TMEM123: variants seen among roughly 807,000 people sequenced by gnomAD.
TMEM123 encodes porimin.
A neutral mutation model predicts 19.7 loss-of-function variants in TMEM123; 16 were observed. The ratio of observed to expected loss-of-function variants is 0.81; its 90% CI spans 0.55 to 1.23. The LOEUF is 1.23. Among genes scored for constraint, TMEM123 ranks in the 50% most tolerant of loss-of-function variants. TMEM123 has a pLI of 0.00. For synonymous variants in TMEM123, 118 were observed against 99.4 expected (o/e 1.19, Z -1.12); for missense variants, 313 against 257.8 (o/e 1.21, Z -1.47).
intron 2 of TMEM123, 94 bp from the exon 3 acceptor site, chr11:102,402,300 G>C (rs2135841989): frequency 7.6e-7 from 1 of 1,313,190 alleles, no homozygotes; most frequent in South Asian, 1.4e-5. Context: ...GACAAAGCAA[G>C]AGATCTTACA....
chr11:102,411,910 A>G (rs1275834827), intron 2 of TMEM123, among the ~76,000 whole-genome samples: 1 of 151,854 alleles, frequency 6.6e-6, no homozygotes, highest in African/African-American at 2.4e-5. Context: ...GTATGTCTGA[A>G]CTCTTCACCA....
At chr11:102,432,137 C>T (rs1033627826) in intron 2 of TMEM123, among the ~76,000 whole-genome samples, 5 of 152,214 alleles carry the variant, frequency 3.3e-5, no homozygotes, top group East Asian at 3.9e-4. Context: ...AATGTGGAAG[C>T]GACTTTGGCA....
At chr11:102,427,698 C>CGTGGTGGT (rs1239482761) in intron 2 of TMEM123, among the ~76,000 whole-genome samples, 3 of 150,854 alleles carry the variant, frequency 2.0e-5, no homozygotes, top group Non-Finnish European at 3.0e-5. Flanking sequence ...ATTAGCCAGG[C>CGTGGTGGT]GTGGTGGTAC....
intron 2 of TMEM123, among the ~76,000 whole-genome samples, chr11:102,446,815 C>A (rs1002621451): frequency 6.6e-6 from 1 of 152,212 alleles, no homozygotes; most frequent in Non-Finnish European, 1.5e-5. Flanking sequence ...CTTTTTCCAA[C>A]AGTACATTCC....
intron 4 of TMEM123, among the ~76,000 whole-genome samples, chr11:102,401,024 C>A (rs1002338993): frequency 2.7e-4 from 41 of 152,162 alleles, no homozygotes; most frequent in Admixed American, 2.7e-3. Flanking sequence ...TAATGCACAT[C>A]TAAAAAGAGA....
chr11:102,405,536 C>T lies in TMEM123; in HGVS notation c.158-3330G>A, dbSNP rs181649465. On this transcript the variant is annotated intron_variant, in intron 2 of 4. Transcript: ENST00000398136. ...TAATAGAATTTAACATTAAAATAATCACCTTTTATTTAAAAATGCTGAATG... is the reference window on the plus strand; with the variant it reads ...TAATAGAATTTAACATTAAAATAATTACCTTTTATTTAAAAATGCTGAATG... Among the ~76,000 whole-genome samples the T allele has an allele frequency of 1.2e-4, 19 of 152,220 alleles. No homozygotes were observed. The East Asian group carries it at 2.9e-3, about 23-fold the overall frequency.
chr11:102,425,583 C>CTTTTTTTTTTTTTTTTT (rs1167174586), intron 2 of TMEM123, among the ~76,000 whole-genome samples: 1 of 107,946 alleles, frequency 9.3e-6, no homozygotes, highest in Non-Finnish European at 1.9e-5. Flanking sequence ...TTTCTTTTTT[C>CTTTTTTTTTTTTTTTTT]TTTTTTTTTT....
chr11:102,415,923 CATT>C (rs911025113), intron 2 of TMEM123, among the ~76,000 whole-genome samples: 3 of 97,650 alleles, frequency 3.1e-5, no homozygotes, highest in Admixed American at 2.1e-4. Flanking sequence ...TTATTATCAT[CATT>C]ATTTTTGAGA....
At chr11:102,408,334 T>C (rs536377844) in intron 2 of TMEM123, among the ~76,000 whole-genome samples, 4 of 152,300 alleles carry the variant, frequency 2.6e-5, no homozygotes, top group African/African-American at 4.8e-5. Context: ...TCATTCCTGT[T>C]TGGTGGTAAA....
At chr11:102,403,806 G>C (rs561766647) in intron 2 of TMEM123, among the ~76,000 whole-genome samples, 7 of 152,282 alleles carry the variant, frequency 4.6e-5, no homozygotes, top group African/African-American at 1.4e-4. Flanking sequence ...AACTGGATCA[G>C]TTCCTGTGGA....
intron 2 of TMEM123, among the ~76,000 whole-genome samples, chr11:102,428,465 CT>C (rs111246802): frequency 0.016 from 2,271 of 142,298 alleles, 42 homozygotes; most frequent in African/African-American, 0.048. Context: ...CCACACCCAG[CT>C]TTTTTTTTTT....
intron 2 of TMEM123, among the ~76,000 whole-genome samples, chr11:102,440,000 A>T (rs1316098512): frequency 1.3e-5 from 2 of 152,234 alleles, no homozygotes; most frequent in Non-Finnish European, 2.9e-5. Flanking sequence ...GTTTAGAGAA[A>T]AAACAGTAAA....
rs1565345288 is a variant in TMEM123 at position 102,397,838 on chromosome 11, C to T, written c.*1029G>A. The stretch of plus-strand genomic sequence containing the variant: ...ACAATCCCTGGCTTAATAAACACAG[C>T]ATTACGCTATAGTTTTGACTCTATA... On this transcript the variant is annotated 3_prime_UTR_variant, in exon 5 of 5. Coordinates refer to ENST00000398136, the MANE Select transcript of TMEM123 (RefSeq NM_052932.3). 1 of 152,154 alleles carries T rather than the reference C, an allele frequency of 6.6e-6. No individual in the cohort carries two copies. Among genetic ancestry groups the T allele is most frequent in the Non-Finnish European group, 1.5e-5 (1 of 68,016 alleles). 9.4% of individuals were successfully genotyped at this position (152,154 alleles called of 1,614,324 possible).
At chr11:102,452,489 C>T in intron 1 of TMEM123, 35 bp downstream of exon 1, 3 of 1,443,214 alleles carry the variant, frequency 2.1e-6, no homozygotes. Flanking sequence ...CGCTGCCTCC[C>T]ACGAACGGGG....
At chr11:102,404,663 G>A (rs761857956) in intron 2 of TMEM123, among the ~76,000 whole-genome samples, 3 of 151,894 alleles carry the variant, frequency 2.0e-5, no homozygotes, top group Non-Finnish European at 4.4e-5. Flanking sequence ...CGGTGCCTGC[G>A]ATCTCGGCTC....
At chr11:102,399,093 T>A (rs891891908) in intron 4 of TMEM123, among the ~76,000 whole-genome samples, 1 of 152,236 alleles carries the variant, frequency 6.6e-6, no homozygotes, top group African/African-American at 2.4e-5. Flanking sequence ...GGATCCACCA[T>A]CTTGTCTTGC....
At chr11:102,417,906 A>G (rs1591558013) in intron 2 of TMEM123, among the ~76,000 whole-genome samples, 1 of 152,268 alleles carries the variant, frequency 6.6e-6, no homozygotes, top group East Asian at 1.9e-4. Flanking sequence ...GGGACTCCCT[A>G]TTCAATAAAT....
chr11:102,419,248 ACGTT>A (rs1270881268), intron 2 of TMEM123, among the ~76,000 whole-genome samples: 10 of 152,212 alleles, frequency 6.6e-5, no homozygotes, highest in African/African-American at 1.2e-4. Context: ...TGTACTAAAA[ACGTT>A]CATTCATTCA....
intron 2 of TMEM123, among the ~76,000 whole-genome samples, chr11:102,409,039 T>C (rs1356612408): frequency 1.3e-5 from 2 of 152,148 alleles, no homozygotes; most frequent in African/African-American, 4.8e-5. Context: ...TATTTAATAA[T>C]ATTATTCTCC....
Sources: gnomAD v4.1 joint callset for allele counts (sites outside exome capture counted in the v4.1 genomes callset) on GRCh38, gnomAD v4.1.1 for gene constraint, MANE v1.5 for transcripts, NCBI Gene and HGNC (gene_info 2026-07-23, HGNC 2026-07-21) for gene names.